MASP1: variants seen among roughly 807,000 people sequenced by gnomAD.
MASP1 encodes the protein MBL associated serine protease 1.
MASP1 carries 59 observed loss-of-function variants against 77.1 expected under a neutral mutation model. The ratio of observed to expected loss-of-function variants is 0.77; its 90% CI spans 0.62 to 0.95. MASP1 has a LOEUF of 0.95. Ranked by LOEUF, MASP1 falls within the 40% of genes least tolerant of loss-of-function variation. The pLI, the probability that MASP1 is intolerant of heterozygous loss-of-function variation, is 0.00. For missense variants in MASP1, 885 were observed against 912.9 expected (o/e 0.97, Z 0.39); for synonymous variants, 362 against 354.5 (o/e 1.02, Z -0.24).
chr3:187,284,768 C>T (rs1041403683), intron 2 of MASP1, among the ~76,000 whole-genome samples: 1 of 152,152 alleles, frequency 6.6e-6, no homozygotes, highest in African/African-American at 2.4e-5. Flanking sequence ...AGTTGCTTAA[C>T]CTTCCTGGGT....
chr3:187,247,094 T>G (rs1325991195), intron 8 of MASP1: 1 of 1,418,254 alleles, frequency 7.1e-7, no homozygotes, highest in African/African-American at 1.4e-5. Context: ...ATCCCACATT[T>G]TTTTTTCATT....
At chr3:187,233,442 G>A (rs1479101335), downstream of MASP1, among the ~76,000 whole-genome samples, 3 of 152,104 alleles carry the variant, frequency 2.0e-5, no homozygotes, top group African/African-American at 4.8e-5. Context: ...CCTCTGCAAA[G>A]CTATTCCAAG....
At chr3:187,271,667 T>C (rs1716528546) in intron 2 of MASP1, among the ~76,000 whole-genome samples, 2 of 152,238 alleles carry the variant, frequency 1.3e-5, no homozygotes, top group African/African-American at 4.8e-5. Flanking sequence ...CTTCTCTTTT[T>C]ACATTTAAAA....
chr3:187,251,880 C>A, intron 6 of MASP1, 128 bp from the exon 7 acceptor site: 4 of 758,908 alleles, frequency 5.3e-6, no homozygotes, highest in Non-Finnish European at 7.0e-6. Context: ...AGGCATGGAT[C>A]TTCCAAGCCC....
chr3:187,245,115 T>C (rs1260101380), intron 8 of MASP1: 24 of 152,226 alleles, frequency 1.6e-4, no homozygotes, highest in Admixed American at 1.5e-3. Context: ...TCCATTTGTT[T>C]TGATGATCCA....
At chr3:187,260,951 A>G (rs1715526535) in intron 3 of MASP1, 79 bp from the exon 4 acceptor site, 1 of 1,500,766 alleles carries the variant, frequency 6.7e-7, no homozygotes, top group Non-Finnish European at 9.3e-7. Context: ...AGCACTTGAT[A>G]TGGGCCACTC....
chr3:187,246,421 G>A (rs1714083634), intron 8 of MASP1: 1 of 985,248 alleles, frequency 1.0e-6, no homozygotes, highest in African/African-American at 1.7e-5. Flanking sequence ...TCTCTTCTTT[G>A]GGTGGTGTCT....
intron 5 of MASP1, 188 bp downstream of exon 5, chr3:187,256,476 C>T (rs552413675): frequency 3.9e-5 from 26 of 659,140 alleles, no homozygotes; most frequent in African/African-American, 2.1e-4. Context: ...GGGGTCATTT[C>T]GGATCAGAGA....
At chr3:187,259,371 A>T (rs1715366774) in intron 4 of MASP1, among the ~76,000 whole-genome samples, 7 of 152,096 alleles carry the variant, frequency 4.6e-5, no homozygotes, top group Admixed American at 4.6e-4. Flanking sequence ...CATGGGGGCG[A>T]TCTTGCCCTC....
At chr3:187,248,602 A>T (rs1340738829) in intron 8 of MASP1, among the ~76,000 whole-genome samples, 1 of 152,124 alleles carries the variant, frequency 6.6e-6, no homozygotes, top group Non-Finnish European at 1.5e-5. Context: ...TGCTTTGCTT[A>T]GAACCCAGTC....
intron 4 of MASP1, among the ~76,000 whole-genome samples, chr3:187,258,294 A>G (rs1251916621): frequency 2.0e-5 from 3 of 152,214 alleles, no homozygotes; most frequent in African/African-American, 7.2e-5. Flanking sequence ...ACTTCTGACC[A>G]TGGCCTGGTT....
At chr3:187,247,238 G>T (rs1446320948) in intron 8 of MASP1, 5 of 1,608,834 alleles carry the variant, frequency 3.1e-6, no homozygotes, top group African/African-American at 1.3e-5. Context: ...GGGCACGGGG[G>T]TGTTGTGGGT....
intron 8 of MASP1, chr3:187,244,871 T>C (rs1713952656): frequency 6.6e-6 from 1 of 152,234 alleles, no homozygotes; most frequent in Non-Finnish European, 1.5e-5. Context: ...CAGTGAGATA[T>C]AATTTATCCC....
intron 1 of MASP1, chr3:187,291,291 C>T (rs111412467): frequency 2.3e-5 from 10 of 442,714 alleles, no homozygotes; most frequent in African/African-American, 8.0e-5. Context: ...AGGAGGAACA[C>T]GGAAAAATCA....
chr3:187,223,212 C>A (rs745636111), intron 13 of MASP1: 4 of 1,610,828 alleles, frequency 2.5e-6, no homozygotes, highest in Non-Finnish European at 3.4e-6. Flanking sequence ...AGAGAAGATA[C>A]TGTGAGAACA....
intron 2 of MASP1, among the ~76,000 whole-genome samples, chr3:187,266,950 C>G (rs565634726): frequency 1.6e-4 from 24 of 152,338 alleles, no homozygotes; most frequent in African/African-American, 5.3e-4. Flanking sequence ...TGGCTGCTCT[C>G]TGCATGTCCA....
intron 10 of MASP1, among the ~76,000 whole-genome samples, chr3:187,237,685 C>T (rs550999320): frequency 3.3e-5 from 5 of 152,372 alleles, no homozygotes; most frequent in African/African-American, 4.8e-5. Flanking sequence ...AGAAGGTCTT[C>T]GGCACCAGGC....
At chr3:187,268,818 G>A (rs1716274068) in intron 2 of MASP1, among the ~76,000 whole-genome samples, 1 of 152,220 alleles carries the variant, frequency 6.6e-6, no homozygotes. Context: ...TGTAATCCCA[G>A]TACTTTGGGA....
intron 10 of MASP1, among the ~76,000 whole-genome samples, chr3:187,238,704 A>G (rs532778754): frequency 6.6e-6 from 1 of 152,330 alleles, no homozygotes; most frequent in Non-Finnish European, 1.5e-5. Context: ...TGCCATCAAA[A>G]GTATTGAGTT....
Sources: allele counts gnomAD v4.1 joint callset (sites outside exome capture counted in the v4.1 genomes callset), GRCh38; gene constraint gnomAD v4.1.1; transcripts MANE v1.5; gene names NCBI Gene and HGNC (gene_info 2026-07-23, HGNC 2026-07-21).